SWT1: variants seen among roughly 807,000 people sequenced by gnomAD.
SWT1 encodes transcriptional protein SWT1.
A neutral mutation model predicts 107.3 loss-of-function variants in SWT1; 33 were observed. The ratio of observed to expected loss-of-function variants is 0.31; its 90% confidence interval spans 0.23 to 0.41. The LOEUF (loss-of-function observed/expected upper bound fraction) is 0.41, where lower values mean the gene tolerates loss of function less well. Ranked by LOEUF, SWT1 falls within the 10% of genes least tolerant of loss-of-function variation. SWT1 has a pLI of 1.00. For missense variants in SWT1, 898 were observed against 1,028.9 expected, an observed-to-expected ratio of 0.87 and a Z score of 1.74; for synonymous variants, 345 against 348.3, an observed-to-expected ratio of 0.99 and a Z score of 0.11.
At chr1:185,233,674 G>C (rs1480472257) in intron 16 of SWT1, among the ~76,000 whole-genome samples, 4 of 152,162 alleles carry the variant, frequency 2.6e-5, no homozygotes, top group Admixed American at 2.6e-4. Flanking sequence ...GAGACTGTTT[G>C]TTATGATTTA....
intron 10 of SWT1, among the ~76,000 whole-genome samples, chr1:185,199,463 G>A (rs1657684510): frequency 6.6e-6 from 1 of 152,138 alleles, no homozygotes; most frequent in Non-Finnish European, 1.5e-5. Context: ...GAATCTCACA[G>A]CATTTGCTTG....
intron 5 of SWT1, among the ~76,000 whole-genome samples, chr1:185,178,603 G>A (rs1655763738): frequency 6.6e-6 from 1 of 152,088 alleles, no homozygotes; most frequent in African/African-American, 2.4e-5. Context: ...GTTCGGTGGT[G>A]GAAAATTCAT....
At chr1:185,204,602 A>G (rs1658161296) in intron 11 of SWT1, 98 bp from the exon 12 acceptor site, 3 of 502,240 alleles carry the variant, frequency 6.0e-6, no homozygotes, top group Non-Finnish European at 1.0e-5. Flanking sequence ...ATTAAAATAT[A>G]TACATAAAAT....
At chr1:185,251,784 TTA>T (rs201146557) in intron 16 of SWT1, among the ~76,000 whole-genome samples, 4 of 150,508 alleles carry the variant, frequency 2.7e-5, no homozygotes, top group Admixed American at 6.6e-5. Context: ...GTAAAACAAT[TTA>T]TATATATATA....
Position 185,253,597 on chromosome 1 carries a change from T to G in SWT1, c.2442-17726T>G, listed in dbSNP as rs1380672844. Among the ~76,000 whole-genome samples, 5 of 151,340 alleles carry G rather than the reference T, an allele frequency of 3.3e-5. 1 individual carries two copies. The highest frequency in any genetic ancestry group is 1.2e-4 in the African/African-American group (5 of 40,898). On this transcript the variant is annotated intron_variant, in intron 16 of 18. Transcript: ENST00000367500. ...TGGCTCTCTGTTTGTTGTTGGTGTA[T>G]AAGAATGCTTGTGATTTTTGTACAT... is the stretch of plus-strand genomic sequence containing the variant.
chr1:185,198,827 T>G (rs1657625066), intron 10 of SWT1, among the ~76,000 whole-genome samples: 1 of 151,988 alleles, frequency 6.6e-6, no homozygotes, highest in Non-Finnish European at 1.5e-5. Context: ...TGAGCCTATG[T>G]GTGTCTTTTC....
chr1:185,230,887 A>G (rs1660462084), intron 15 of SWT1, among the ~76,000 whole-genome samples: 1 of 152,140 alleles, frequency 6.6e-6, no homozygotes, highest in Non-Finnish European at 1.5e-5. Context: ...AGCTGGGACT[A>G]CAGGCAGTGC....
At chr1:185,279,220 A>T (rs968547792) in intron 18 of SWT1, among the ~76,000 whole-genome samples, 1 of 152,070 alleles carries the variant, frequency 6.6e-6, no homozygotes, top group African/African-American at 2.4e-5. Flanking sequence ...ACATCTTCCA[A>T]CCTTAGCCGT....
intron 16 of SWT1, among the ~76,000 whole-genome samples, chr1:185,238,745 G>A (rs1397522041): frequency 6.6e-6 from 1 of 151,444 alleles, no homozygotes. Context: ...GCAGATAATA[G>A]GCATTTAAAT....
At chr1:185,174,335 A>G in intron 4 of SWT1, 37 bp from the exon 5 acceptor site, 2 of 1,473,034 alleles carry the variant, frequency 1.4e-6, no homozygotes, top group Non-Finnish European at 1.8e-6. Context: ...ATTATGTATA[A>G]TTATAATGTA....
intron 16 of SWT1, among the ~76,000 whole-genome samples, chr1:185,253,342 G>T (rs1662204108): frequency 6.6e-6 from 1 of 151,232 alleles, no homozygotes; most frequent in Non-Finnish European, 1.5e-5. Flanking sequence ...AGCTTGATGG[G>T]GATGGCATTG....
chr1:185,279,212 A>G (rs1022891622), intron 18 of SWT1, among the ~76,000 whole-genome samples: 6 of 152,200 alleles, frequency 3.9e-5, no homozygotes, highest in African/African-American at 1.4e-4. Flanking sequence ...AAAATATAAC[A>G]TCTTCCAACC....
chr1:185,174,450 A>T lies in SWT1; in HGVS notation c.303A>T (p.Glu101Asp), dbSNP rs541946108. ...SSSQRPIKLK[E>D]ASYSNDNQII... is the part of the protein sequence containing the mutation. ...CCCAAAGACCTATTAAACTCAAAGA[A>T]GCATCATATTCAAATGATAATCAAA... Residue 101 changes from glutamate to aspartate, a missense_variant, in exon 5 of 19, where the codon GAA (glutamate) becomes GAT (aspartate). Around this residue, in one of 6 missense-constraint regions of SWT1, gnomAD observed 382 missense variants for 362.4 expected, o/e 1.05. Transcript: ENST00000367500. 6.2e-7 allele frequency: 1 copy of T among 1,606,294 alleles called. No individual in the cohort carries two copies. The highest frequency in any genetic ancestry group is 8.5e-7 in the Non-Finnish European group (1 of 1,177,940).
intron 2 of SWT1, among the ~76,000 whole-genome samples, chr1:185,164,125 T>A (rs1654382387): frequency 6.6e-6 from 1 of 152,156 alleles, no homozygotes; most frequent in South Asian, 2.1e-4. Flanking sequence ...TCAGAGCTCT[T>A]GGGTGACCAG....
At chr1:185,230,939 A>G (rs1008994398) in intron 15 of SWT1, among the ~76,000 whole-genome samples, 3 of 152,040 alleles carry the variant, frequency 2.0e-5, no homozygotes, top group African/African-American at 4.8e-5. Context: ...TCTAGAGACA[A>G]GGTTGAACGA....
At chr1:185,173,200 G>A (rs10489580) in intron 4 of SWT1, among the ~76,000 whole-genome samples, 66,901 of 151,792 alleles carry the variant, frequency 0.44, 16,144 homozygotes, top group African/African-American at 0.65. Context: ...GTAGTTTTTG[G>A]TGAGCTTTTT....
At chr1:185,223,298 C>T (rs573428944) in intron 15 of SWT1, among the ~76,000 whole-genome samples, 23 of 152,126 alleles carry the variant, frequency 1.5e-4, no homozygotes, top group Admixed American at 1.2e-3. Context: ...TGGCTCACTG[C>T]AGTGACCTAC....
Position 185,290,850 on chromosome 1 carries a change from A to G in SWT1, c.*47A>G, listed in dbSNP as rs1665215751. On this transcript the variant is annotated 3_prime_UTR_variant, in exon 19 of 19. Transcript: ENST00000367500. ...GGAATTGCATTTGTCCTTAAGAATA[A>G]CAGAGTAGTTTTCAATCTGGTCACT... The G allele has an allele frequency of 6.5e-7, 1 of 1,547,172 alleles. No individual in the cohort carries two copies. Among genetic ancestry groups the G allele is most frequent in the Non-Finnish European group, 8.8e-7 (1 of 1,136,548 alleles).
intron 5 of SWT1, among the ~76,000 whole-genome samples, chr1:185,179,546 G>A (rs569186638): frequency 6.6e-6 from 1 of 152,202 alleles, no homozygotes; most frequent in South Asian, 2.1e-4. Flanking sequence ...TAATATAACC[G>A]TGCATTGTTC....
Sources: allele counts gnomAD v4.1 joint callset (sites outside exome capture counted in the v4.1 genomes callset), GRCh38; gene constraint gnomAD v4.1.1; regional missense constraint gnomAD v4.1.1; transcripts MANE v1.5; gene names NCBI Gene and HGNC (gene_info 2026-07-23, HGNC 2026-07-21).